CASTOR2: variants seen among roughly 807,000 people sequenced by gnomAD.
The protein encoded by CASTOR2 is cytosolic arginine sensor for mTORC1 subunit 2.
Under a neutral mutation model 31.2 loss-of-function variants are expected in CASTOR2, and 8 were observed. The observed-to-expected ratio is 0.26, with a 90% CI of 0.15 to 0.46. CASTOR2 has a LOEUF of 0.46. Among genes scored for constraint, CASTOR2 ranks in the 20% least tolerant of loss-of-function variants. CASTOR2 has a pLI of 0.99. For missense variants in CASTOR2, 216 were observed against 382.1 expected, an observed-to-expected ratio of 0.57 and a Z score of 3.62; for synonymous variants, 162 against 158.7, an observed-to-expected ratio of 1.02 and a Z score of -0.16.
chr7:74,997,985 C>T (rs1233804870), intron 1 of CASTOR2, among the ~76,000 whole-genome samples: 3 of 152,022 alleles, frequency 2.0e-5, no homozygotes, highest in South Asian at 2.1e-4. Context: ...CAGGCTGTCA[C>T]GGATCCTCTT....
chr7:75,024,594 G>C, intron 8 of CASTOR2, 40 bp from the exon 9 acceptor site: 1 of 1,551,162 alleles, frequency 6.4e-7, no homozygotes, highest in Non-Finnish European at 8.7e-7. Flanking sequence ...CAGGTTCCTG[G>C]GCTCACGGGC....
intron 1 of CASTOR2, among the ~76,000 whole-genome samples, chr7:74,987,670 CAG>C (rs1232242145): frequency 1.6e-4 from 25 of 152,214 alleles, no homozygotes; most frequent in African/African-American, 5.8e-4. Context: ...CTAGGGAAGA[CAG>C]AGACTGAGCA....
intron 1 of CASTOR2, among the ~76,000 whole-genome samples, chr7:75,002,485 G>A (rs1214402015): frequency 7.2e-5 from 11 of 152,044 alleles, no homozygotes; most frequent in African/African-American, 2.4e-4. Flanking sequence ...GCTGGATGTG[G>A]TGGCAGGCGC....
chr7:74,990,241 A>T (rs1321293406), intron 1 of CASTOR2, among the ~76,000 whole-genome samples: 1 of 152,064 alleles, frequency 6.6e-6, no homozygotes, highest in Non-Finnish European at 1.5e-5. Flanking sequence ...ACAAAAAATT[A>T]GCCGGGCATG....
chr7:75,020,688 A>C (rs1051360463), intron 6 of CASTOR2, among the ~76,000 whole-genome samples: 1 of 151,728 alleles, frequency 6.6e-6, no homozygotes. Flanking sequence ...ACCAGGTTTC[A>C]CCATGTTAGC....
At chr7:74,967,484 T>C (rs1246749315) in intron 1 of CASTOR2, among the ~76,000 whole-genome samples, 2 of 148,140 alleles carry the variant, frequency 1.4e-5, no homozygotes, top group East Asian at 3.9e-4. Flanking sequence ...AAAACCTAAG[T>C]TTAGCCCAGA....
At chr7:75,022,623 C>A (rs1805032322) in intron 7 of CASTOR2, among the ~76,000 whole-genome samples, 2 of 150,926 alleles carry the variant, frequency 1.3e-5, no homozygotes, top group Middle Eastern at 3.5e-3. Flanking sequence ...TATGACGAAA[C>A]CCCATGTCTA....
chr7:74,997,325 GT>G (rs1453174220), intron 1 of CASTOR2, among the ~76,000 whole-genome samples: 3 of 152,010 alleles, frequency 2.0e-5, no homozygotes, highest in Admixed American at 1.3e-4. Flanking sequence ...CCTCACCCTG[GT>G]TCCTGAAGGC....
At chr7:75,004,515 C>T (rs1308576664) in intron 1 of CASTOR2, among the ~76,000 whole-genome samples, 60 of 148,418 alleles carry the variant, frequency 4.0e-4, no homozygotes, top group Admixed American at 1.1e-3. Context: ...TGCAGTGGCA[C>T]GATCTCAGCT....
At chr7:74,992,589 G>A (rs1432744187) in intron 1 of CASTOR2, among the ~76,000 whole-genome samples, 3 of 152,078 alleles carry the variant, frequency 2.0e-5, no homozygotes, top group Non-Finnish European at 2.9e-5. Flanking sequence ...ACAGGTGCAG[G>A]CCACCATGCC....
chr7:75,004,910 G>A (rs1335218153), intron 1 of CASTOR2, among the ~76,000 whole-genome samples: 1 of 152,038 alleles, frequency 6.6e-6, no homozygotes, highest in Non-Finnish European at 1.5e-5. Flanking sequence ...TAGTCACCCA[G>A]GCTGGAGTGT....
At chr7:75,011,894 G>A (rs1159092272) in intron 2 of CASTOR2, among the ~76,000 whole-genome samples, 1 of 151,898 alleles carries the variant, frequency 6.6e-6, no homozygotes, top group Non-Finnish European at 1.5e-5. Context: ...TTGAACCCGG[G>A]AGGTGGAGGT....
At chr7:74,985,471 T>C (rs1804040023) in intron 1 of CASTOR2, among the ~76,000 whole-genome samples, 1 of 151,540 alleles carries the variant, frequency 6.6e-6, no homozygotes, top group Admixed American at 6.6e-5. Flanking sequence ...GTGCCAACTA[T>C]TCTGGAGGCT....
intron 1 of CASTOR2, among the ~76,000 whole-genome samples, chr7:74,987,127 G>A (rs1218548477): frequency 4.7e-5 from 7 of 148,470 alleles, no homozygotes; most frequent in East Asian, 2.0e-4. Context: ...AGCACCGGCC[G>A]GGCGCAGTGG....
chr7:75,031,176 G>A lies in CASTOR2; in HGVS notation c.*6477G>A, dbSNP rs1315316018. 1.3e-5 allele frequency among the ~76,000 whole-genome samples: 2 copies of A among 152,176 alleles called. No individual in the cohort carries two copies. The highest frequency in any genetic ancestry group is 3.4e-3 in the Middle Eastern group (1 of 294). Reference sequence around the variant, plus strand: ...ATCATTTCCGTTATCCTGAGATGGGGGTGAGTGGATGGATGGTGTACTGAG... The same window carrying A: ...ATCATTTCCGTTATCCTGAGATGGGAGTGAGTGGATGGATGGTGTACTGAG... On this transcript the variant is annotated 3_prime_UTR_variant, in exon 9 of 9. Coordinates refer to ENST00000616305, the MANE Select transcript of CASTOR2 (RefSeq NM_001145064.3).
rs1186558790 is a variant in CASTOR2, at chr7:75,029,915, T to C, written c.*5216T>C. On this transcript the variant is annotated 3_prime_UTR_variant, in exon 9 of 9. Transcript: ENST00000616305. ...GCTTAGGCCTGTCATCCCAGCACTT[T>C]GGGAGACCAAGGTGGGAGGATAGCT... Among the ~76,000 whole-genome samples, 2 of 152,110 alleles carry C rather than the reference T, an allele frequency of 1.3e-5. No homozygotes were observed. The highest frequency in any genetic ancestry group is 1.5e-5 in the Non-Finnish European group (1 of 68,008).
At chr7:74,976,453 TGAGCCTAG>T (rs1342648755) in intron 1 of CASTOR2, among the ~76,000 whole-genome samples, 1 of 148,476 alleles carries the variant, frequency 6.7e-6, no homozygotes, top group Middle Eastern at 3.2e-3. Context: ...GAGGATTGCT[TGAGCCTAG>T]GAGGTAGAGG....
At chr7:74,965,855 C>CACACACACACAT (rs1429912800) in intron 1 of CASTOR2, among the ~76,000 whole-genome samples, 1 of 14,050 alleles carries the variant, frequency 7.1e-5, no homozygotes, top group African/African-American at 4.3e-4. Context: ...GGGAATCACA[C>CACACACACACAT]ACACACACAC....
At chr7:75,022,019 AC>A in intron 7 of CASTOR2, 63 bp downstream of exon 7, 1 of 1,539,664 alleles carries the variant, frequency 6.5e-7, no homozygotes, top group South Asian at 1.2e-5. Context: ...CCATTCACAT[AC>A]GTTGTCCGCA....
Sources: allele counts gnomAD v4.1 joint callset (sites outside exome capture counted in the v4.1 genomes callset), GRCh38; gene constraint gnomAD v4.1.1; transcripts MANE v1.5; gene names NCBI Gene and HGNC (gene_info 2026-07-23, HGNC 2026-07-21).